Variants in GORASP2 observed in about 807,000 individuals in gnomAD.
The protein encoded by GORASP2 is Golgi reassembly-stacking protein 2.
In GORASP2, 22 loss-of-function variants were observed where a neutral mutation model predicts 45.7. The ratio of observed to expected loss-of-function variants is 0.48; its 90% CI spans 0.34 to 0.69. GORASP2 has a LOEUF of 0.69. GORASP2 is among the 30% of genes least tolerant of loss of function. The probability of loss-of-function intolerance (pLI) is 0.01; values close to 1 mark genes in which losing one functional copy is unlikely to be tolerated. For missense variants in GORASP2, 491 were observed against 562.7 expected, an observed-to-expected ratio of 0.87 and a Z score of 1.29; for synonymous variants, 221 against 215.6, an observed-to-expected ratio of 1.02 and a Z score of -0.22.
At position 170,965,206 on chromosome 2, in the gene GORASP2, C is replaced by T. The variant is rs1033856532; in HGVS notation, c.1019-584C>T. Among the ~76,000 whole-genome samples the T allele has an allele frequency of 5.3e-5, 8 of 152,260 alleles. No homozygotes were observed. The South Asian group carries it at 1.0e-3, about 20-fold the overall frequency. On this transcript the variant is annotated intron_variant, in intron 9 of 9. Transcript: ENST00000234160. ...CTGGGGTTACAGGCGTGAGCCACCACGCCTGGCCTTGCATTTTAAAATCAT... is the reference window on the plus strand; with the variant it reads ...CTGGGGTTACAGGCGTGAGCCACCATGCCTGGCCTTGCATTTTAAAATCAT...
chr2:170,966,807 A>T lies in GORASP2; in HGVS notation c.*677A>T, dbSNP rs1291350084. On this transcript the variant is annotated 3_prime_UTR_variant, in exon 10 of 10. Transcript: ENST00000234160. ...ACACCTTATAAAGTGACATTTCAAAAGAAATAAGGTGCCACAGTTTTAAAC... is the reference window on the plus strand; with the variant it reads ...ACACCTTATAAAGTGACATTTCAAATGAAATAAGGTGCCACAGTTTTAAAC... The T allele has an allele frequency of 6.5e-6, 1 of 152,812 alleles. No homozygotes were observed. Among genetic ancestry groups the T allele is most frequent in the Admixed American group, 6.5e-5 (1 of 15,322 alleles). The allele number at this position is 152,812 out of a possible 1,614,324, so 9.5% of individuals were successfully genotyped here. A position where few individuals can be genotyped will look rare whatever the true frequency, so the allele number is the denominator to read the frequency against.
At chr2:170,949,102 T>C (rs1487282870) in intron 2 of GORASP2, among the ~76,000 whole-genome samples, 1 of 152,238 alleles carries the variant, frequency 6.6e-6, no homozygotes, top group African/African-American at 2.4e-5. Flanking sequence ...TTTAATATGC[T>C]GTTTCTACTT....
intron 1 of GORASP2, among the ~76,000 whole-genome samples, chr2:170,930,484 C>T (rs945799774): frequency 1.3e-5 from 2 of 152,200 alleles, no homozygotes; most frequent in African/African-American, 4.8e-5. Context: ...CCTTCATTTC[C>T]TGCCCTGGGT....
At chr2:170,934,586 T>C (rs758424174) in intron 1 of GORASP2, among the ~76,000 whole-genome samples, 9 of 152,076 alleles carry the variant, frequency 5.9e-5, no homozygotes, top group Non-Finnish European at 1.0e-4. Flanking sequence ...GAAATCTCAC[T>C]CTGGCTCCCT....
intron 1 of GORASP2, among the ~76,000 whole-genome samples, chr2:170,937,252 A>G (rs1703979374): frequency 6.6e-6 from 1 of 151,956 alleles, no homozygotes; most frequent in African/African-American, 2.4e-5. Flanking sequence ...TCTGTTGCCC[A>G]GGCTGGAGTG....
intron 5 of GORASP2, among the ~76,000 whole-genome samples, chr2:170,952,954 G>A (rs1301788143): frequency 6.6e-6 from 1 of 152,184 alleles, no homozygotes; most frequent in Non-Finnish European, 1.5e-5. Context: ...GAGATTATAG[G>A]TGTGATCTTC....
chr2:170,929,202 C>A (rs965711261), upstream of GORASP2: 34 of 580,276 alleles, frequency 5.9e-5, no homozygotes, highest in Non-Finnish European at 7.6e-5. Context: ...GAGACGATCT[C>A]CCGGCGGGCT....
At chr2:170,937,233 C>T (rs957329485) in intron 1 of GORASP2, among the ~76,000 whole-genome samples, 1 of 151,980 alleles carries the variant, frequency 6.6e-6, no homozygotes, top group Non-Finnish European at 1.5e-5. Flanking sequence ...TTTAGAGACC[C>T]GGTTTTGCTC....
intron 7 of GORASP2, among the ~76,000 whole-genome samples, chr2:170,961,437 C>G (rs1472178705): frequency 6.6e-6 from 1 of 152,190 alleles, no homozygotes; most frequent in Admixed American, 6.5e-5. Flanking sequence ...TGCACGGCCT[C>G]TTGCCCTCTT....
At chr2:170,931,021 C>G (rs1315000051) in intron 1 of GORASP2, among the ~76,000 whole-genome samples, 2 of 149,048 alleles carry the variant, frequency 1.3e-5, no homozygotes, top group African/African-American at 4.9e-5. Context: ...CCATACACAT[C>G]AAAAGGATTC....
chr2:170,939,884 C>A (rs1025732179), intron 1 of GORASP2, among the ~76,000 whole-genome samples: 2 of 152,136 alleles, frequency 1.3e-5, no homozygotes, highest in African/African-American at 4.8e-5. Context: ...ACATATAGTG[C>A]ATGAGGATTT....
chr2:170,937,295 A>ACTTCATGGGCTCCAGCAGTTCTCC (rs1703980091), intron 1 of GORASP2, among the ~76,000 whole-genome samples: 1 of 152,116 alleles, frequency 6.6e-6, no homozygotes, highest in African/African-American at 2.4e-5. Flanking sequence ...CGCAGCCTCG[A>ACTTCATGGGCTCCAGCAGTTCTCC]CTTCATGGGC....
At chr2:170,929,252 C>G, upstream of GORASP2, 8 of 1,064,826 alleles carry the variant, frequency 7.5e-6, no homozygotes, top group Non-Finnish European at 9.8e-6. Context: ...TGCCACGTCC[C>G]AAGTGCTACG....
intron 1 of GORASP2, among the ~76,000 whole-genome samples, chr2:170,938,583 T>C (rs1034286373): frequency 1.3e-5 from 2 of 152,224 alleles, no homozygotes; most frequent in Non-Finnish European, 2.9e-5. Context: ...TCTATGCAAT[T>C]AAAATGATCT....
At chr2:170,944,076 G>T (rs1438482362) in intron 1 of GORASP2, among the ~76,000 whole-genome samples, 2 of 152,156 alleles carry the variant, frequency 1.3e-5, no homozygotes, top group Non-Finnish European at 2.9e-5. Context: ...AGTATATATA[G>T]ACTTTTAGTT....
rs548301911 is a variant in GORASP2, at chr2:170,950,494, C to T, written c.435+204C>T. 5.3e-5 allele frequency among the ~76,000 whole-genome samples: 8 copies of T among 152,264 alleles called. No homozygotes were observed. The South Asian group carries it at 6.2e-4, about 12-fold the overall frequency. ...GCTGTGAGGAAAAACACATACTGTG[C>T]GGCAATTGCACAGATTTTATGTGTA... On this transcript the variant is annotated intron_variant, in intron 4 of 9. Coordinates refer to ENST00000234160, the MANE Select transcript of GORASP2 (RefSeq NM_015530.5).
chr2:170,956,545 G>A lies in GORASP2; in HGVS notation c.809G>A (p.Ser270Asn). The A allele has an allele frequency of 6.2e-7, 1 of 1,612,444 alleles. No individual in the cohort carries two copies. Among genetic ancestry groups the A allele is most frequent in the Non-Finnish European group, 8.5e-7 (1 of 1,179,076 alleles). The change falls in exon 7 of 10, where the codon AGT becomes AAT. Residue 270 changes from serine (S) to asparagine (N), a missense_variant. By Grantham distance (46) the Ser-to-Asn change is conservative (BLOSUM62 1). Around this residue, in one of 2 missense-constraint regions of GORASP2, gnomAD observed 297 missense variants for 292.3 expected, o/e 1.02. Coordinates refer to ENST00000234160, the MANE Select transcript of GORASP2 (RefSeq NM_015530.5). Reference protein sequence around the residue: ...SISSTPPAVSSVLSTGVPTVP... With the variant: ...SISSTPPAVSNVLSTGVPTVP... ...AGCTCAACTCCACCAGCTGTCAGTA[G>A]TGTTCTCAGTACAGGTGTGCAGAAA...
chr2:170,932,581 G>T (rs1703854066), intron 1 of GORASP2, among the ~76,000 whole-genome samples: 1 of 152,112 alleles, frequency 6.6e-6, no homozygotes, highest in Non-Finnish European at 1.5e-5. Context: ...TAGAAATGTT[G>T]ATCTTTATTT....
intron 1 of GORASP2, among the ~76,000 whole-genome samples, chr2:170,944,643 A>G (rs1704145041): frequency 6.6e-6 from 1 of 152,224 alleles, no homozygotes; most frequent in African/African-American, 2.4e-5. Context: ...TTTAAACTTT[A>G]TAAGGGTGGC....
Sources: allele counts gnomAD v4.1 joint callset (sites outside exome capture counted in the v4.1 genomes callset), GRCh38; gene constraint gnomAD v4.1.1; regional missense constraint gnomAD v4.1.1; transcripts MANE v1.5; gene names NCBI Gene and HGNC (gene_info 2026-07-23, HGNC 2026-07-21).